Variants in KRAS observed in about 807,000 individuals in gnomAD.
KRAS encodes GTPase KRas.
In KRAS, 1 loss-of-function variant was observed where a neutral mutation model predicts 21.0. That is an observed-to-expected ratio of 0.05 (90% CI 0.02 to 0.23). The LOEUF is 0.23. Ranked by LOEUF, KRAS falls within the 10% of genes least tolerant of loss-of-function variation. KRAS has a pLI of 1.00. For synonymous variants in KRAS, 67 were observed against 72.5 expected (o/e 0.92, Z 0.39); for missense variants, 107 against 221.8 (o/e 0.48, Z 3.29).
chr12:25,229,015 C>T (rs1458820600), intron 2 of KRAS, among the ~76,000 whole-genome samples: 3 of 152,100 alleles, frequency 2.0e-5, no homozygotes, highest in Admixed American at 6.5e-5. Flanking sequence ...GCCAAGATCG[C>T]TCCACTGCAC....
At chr12:25,248,571 C>T (rs1177031340) in intron 1 of KRAS, among the ~76,000 whole-genome samples, 28 of 149,412 alleles carry the variant, frequency 1.9e-4, no homozygotes, top group Non-Finnish European at 3.0e-5. Flanking sequence ...CCACATGTAT[C>T]TTCCGGTTTA....
chr12:25,231,455 C>G (rs1951469478), intron 2 of KRAS, among the ~76,000 whole-genome samples: 1 of 152,034 alleles, frequency 6.6e-6, no homozygotes, highest in Non-Finnish European at 1.5e-5. Flanking sequence ...TCCAAAAATA[C>G]TTCTAGGTCC....
rs558172735 is a variant in KRAS at position 25,209,412 on chromosome 12, A to G, written c.*383T>C. 3 of 906,142 alleles carry G rather than the reference A, an allele frequency of 3.3e-6. No homozygotes were observed. In the African/African-American group the frequency reaches 5.1e-5, roughly 15 times the overall value. The allele number at this position is 906,142 out of a possible 1,614,324, so 56.1% of individuals were successfully genotyped here. ...CTCAACTGAAATTAGTAATTAATCC[A>G]TTTATGTGACTAGATAAAACACAGA... is the stretch of plus-strand genomic sequence containing the variant. On this transcript the variant is annotated 3_prime_UTR_variant, in exon 5 of 5. Transcript: ENST00000311936.
Position 25,207,608 on chromosome 12 carries a change from G to A in KRAS, c.*2187C>T, listed in dbSNP as rs948367060. The A allele has an allele frequency of 1.7e-5, 4 of 230,620 alleles. No homozygotes were observed. The highest frequency in any genetic ancestry group is 8.9e-5 in the African/African-American group (4 of 45,192). 14.3% of individuals were successfully genotyped at this position (230,620 alleles called of 1,614,324 possible). On this transcript the variant is annotated 3_prime_UTR_variant, in exon 5 of 5. Transcript: ENST00000311936. ...CAATGGAATGTATTACTGTTACCAG[G>A]AGTAGTCCTAGTTATAGATTACCTA...
At chr12:25,224,441 C>CAAA (rs1227499983) in intron 4 of KRAS, among the ~76,000 whole-genome samples, 1 of 149,942 alleles carries the variant, frequency 6.7e-6, no homozygotes, top group African/African-American at 2.5e-5. Context: ...TAAAAACAAA[C>CAAA]AAAAAATTTT....
Position 25,209,011 on chromosome 12 carries a change from A to C in KRAS, c.*784T>G, listed in dbSNP as rs1462717556. ...TAAAATCTTTTCAATTATTATAAAA[A>C]TTTAGTAGCATGTAAATATAGCCCC... On this transcript the variant is annotated 3_prime_UTR_variant, in exon 5 of 5. Transcript: ENST00000311936. 5.5e-6 allele frequency: 2 copies of C among 366,640 alleles called. No homozygotes were observed. Among genetic ancestry groups the C allele is most frequent in the African/African-American group, 2.1e-5 (1 of 48,092 alleles). The allele number at this position is 366,640 out of a possible 1,614,324, so 22.7% of individuals were successfully genotyped here. A position where few individuals can be genotyped will look rare whatever the true frequency, so the allele number is the denominator to read the frequency against.
rs550019553 is a variant in KRAS, at chr12:25,228,402, AC to A, written c.112-991del. Among the ~76,000 whole-genome samples, 44 of 152,000 alleles carry A rather than the reference AC, an allele frequency of 2.9e-4. 1 individual carries two copies. The East Asian group carries it at 8.5e-3, about 29-fold the overall frequency. On this transcript the variant is annotated intron_variant, in intron 2 of 4. Coordinates refer to ENST00000311936, the MANE Select transcript of KRAS (RefSeq NM_004985.5). ...TCCAAAAAAAAAATCTGAAATCCAA[AC>A]CACTTCTGGTCACAACCATTTTGGA...
At chr12:25,247,986 T>C (rs1951706138) in intron 1 of KRAS, among the ~76,000 whole-genome samples, 1 of 152,186 alleles carries the variant, frequency 6.6e-6, no homozygotes, top group Non-Finnish European at 1.5e-5. Context: ...ATACGGTAAA[T>C]ATTAATAAAT....
chr12:25,213,740 T>G (rs538660957), intron 4 of KRAS, among the ~76,000 whole-genome samples: 1 of 152,334 alleles, frequency 6.6e-6, no homozygotes, highest in South Asian at 2.1e-4. Context: ...AACTGTAATT[T>G]TATTGCCTAT....
rs1951139874 is a variant in KRAS at position 25,206,482 on chromosome 12, C to G, written c.*3313G>C. On this transcript the variant is annotated 3_prime_UTR_variant, in exon 5 of 5. Transcript: ENST00000311936. The stretch of plus-strand genomic sequence containing the variant: ...GAATTCTCCCCCTTTAAAATCTCTA[C>G]AAAAACAAATCTTTTGTTAAACCAT... 4.9e-6 allele frequency: 1 copy of G among 203,830 alleles called. No individual in the cohort carries two copies. Among genetic ancestry groups the G allele is most frequent in the Non-Finnish European group, 1.0e-5 (1 of 99,648 alleles). The allele number at this position is 203,830 out of a possible 1,614,324, so 12.6% of individuals were successfully genotyped here.
At position 25,208,997 on chromosome 12, in the gene KRAS, C is replaced by T. The variant is rs1169675531; in HGVS notation, c.*798G>A. On this transcript the variant is annotated 3_prime_UTR_variant, in exon 5 of 5. Coordinates refer to ENST00000311936, the MANE Select transcript of KRAS (RefSeq NM_004985.5). ...TTTTTTATACTTGTTAAAATCTTTT[C>T]AATTATTATAAAAATTTAGTAGCAT... 1 of 351,774 alleles carries T rather than the reference C, an allele frequency of 2.8e-6. No homozygotes were observed. The highest frequency in any genetic ancestry group is 5.0e-6 in the Non-Finnish European group (1 of 198,024). The allele number at this position is 351,774 out of a possible 1,614,324, so 21.8% of individuals were successfully genotyped here.
At chr12:25,217,633 G>A (rs1951270679) in intron 4 of KRAS, among the ~76,000 whole-genome samples, 1 of 152,144 alleles carries the variant, frequency 6.6e-6, no homozygotes, top group Admixed American at 6.5e-5. Flanking sequence ...ACTTACACCT[G>A]TATATAAAAG....
chr12:25,216,018 A>G (rs746054063), intron 4 of KRAS, among the ~76,000 whole-genome samples: 6 of 152,220 alleles, frequency 3.9e-5, no homozygotes, highest in Non-Finnish European at 8.8e-5. Flanking sequence ...ATGGACGTGA[A>G]ACCTTTGTTA....
At chr12:25,224,755 C>T (rs1293812016) in intron 4 of KRAS, among the ~76,000 whole-genome samples, 1 of 152,064 alleles carries the variant, frequency 6.6e-6, no homozygotes, top group Non-Finnish European at 1.5e-5. Flanking sequence ...AGAGACTATA[C>T]TACATATCCC....
chr12:25,211,272 ATTAAT>A (rs1951197977), intron 4 of KRAS: 1 of 152,238 alleles, frequency 6.6e-6, no homozygotes, highest in African/African-American at 2.4e-5. Context: ...TTATCTTGAA[ATTAAT>A]TTAAAATGTT....
intron 2 of KRAS, among the ~76,000 whole-genome samples, chr12:25,238,587 A>G (rs1951571992): frequency 6.6e-6 from 1 of 152,126 alleles, no homozygotes; most frequent in South Asian, 2.1e-4. Context: ...CCCCAGCCCA[A>G]TGGTATAAGC....
rs1951123319 is a variant in KRAS at position 25,205,314 on chromosome 12, A to C, written c.*4481T>G. The stretch of plus-strand genomic sequence containing the variant: ...TACAGTTCATGACAAAAATATTACA[A>C]ATTTTAGATCACTTCACAGCACATA... On this transcript the variant is annotated 3_prime_UTR_variant, in exon 5 of 5. Transcript: ENST00000311936. 4.7e-6 allele frequency: 1 copy of C among 214,196 alleles called. No homozygotes were observed. Among genetic ancestry groups the C allele is most frequent in the Non-Finnish European group, 9.4e-6 (1 of 105,844 alleles). The allele number at this position is 214,196 out of a possible 1,614,324, so 13.3% of individuals were successfully genotyped here.
intron 1 of KRAS, among the ~76,000 whole-genome samples, chr12:25,246,629 C>T (rs529825634): frequency 6.6e-6 from 1 of 152,122 alleles, no homozygotes; most frequent in Admixed American, 6.5e-5. Context: ...TTAAGAGATG[C>T]AAGTGAGCCG....
At chr12:25,230,460 C>T (rs570159192) in intron 2 of KRAS, among the ~76,000 whole-genome samples, 3 of 152,220 alleles carry the variant, frequency 2.0e-5, no homozygotes, top group African/African-American at 7.2e-5. Context: ...GAAACCCCAT[C>T]TCTACTAAAC....
Sources: allele counts gnomAD v4.1 joint callset (sites outside exome capture counted in the v4.1 genomes callset), GRCh38; gene constraint gnomAD v4.1.1; transcripts MANE v1.5; gene names NCBI Gene and HGNC (gene_info 2026-07-23, HGNC 2026-07-21).